The following OXTR variants were observed in gnomAD, a reference collection of about 807,000 sequenced individuals.
The protein encoded by OXTR is oxytocin receptor.
Under a neutral mutation model 23.9 loss-of-function variants are expected in OXTR, and 19 were observed. The observed-to-expected ratio is 0.80, with a 90% CI of 0.56 to 1.17. The LOEUF (loss-of-function observed/expected upper bound fraction) is 1.17, where lower values mean the gene tolerates loss of function less well. OXTR is among the 50% of genes most tolerant of loss of function. The pLI is 0.00. For missense variants in OXTR, 500 were observed against 550.7 expected, an observed-to-expected ratio of 0.91 and a Z score of 0.92; for synonymous variants, 278 against 250.5, an observed-to-expected ratio of 1.11 and a Z score of -1.04.
chr3:8,760,911 C>G (rs1708471008), intron 3 of OXTR, among the ~76,000 whole-genome samples: 1 of 150,264 alleles, frequency 6.7e-6, no homozygotes, highest in South Asian at 2.1e-4. Context: ...GTTTAAAAAG[C>G]AGAACAAGGG....
At chr3:8,746,458 C>T (rs917859758), downstream of OXTR, 3 of 152,860 alleles carry the variant, frequency 2.0e-5, no homozygotes, top group South Asian at 4.1e-4. Flanking sequence ...TTGCTGGAAC[C>T]GTACACGTTC....
intron 3 of OXTR, among the ~76,000 whole-genome samples, chr3:8,762,624 G>A (rs1001466923): frequency 6.6e-6 from 1 of 152,188 alleles, no homozygotes; most frequent in African/African-American, 2.4e-5. Flanking sequence ...AAGGGGCCTG[G>A]TCCCCCACAC....
In OXTR at chr3:8,752,851, C is replaced by T. The variant is rs201041814; in HGVS notation, c.*126G>A. 1 of 1,087,660 alleles carries T rather than the reference C, an allele frequency of 9.2e-7. No individual in the cohort carries two copies. The highest frequency in any genetic ancestry group is 1.3e-6 in the Non-Finnish European group (1 of 781,602). 67.4% of individuals were successfully genotyped at this position (1,087,660 alleles called of 1,614,324 possible). On this transcript the variant is annotated 3_prime_UTR_variant, in exon 4 of 4. Transcript: ENST00000316793. ...CACTCTCCACCCCACTGAAGCCACCCCAAGGAGGGGAGGGATACAAACTGA... is the reference window on the plus strand; with the variant it reads ...CACTCTCCACCCCACTGAAGCCACCTCAAGGAGGGGAGGGATACAAACTGA...
Position 8,752,981 on chromosome 3 carries a change from G to C in OXTR, c.1166C>G (p.Ala389Gly), listed in dbSNP as rs201162889. 2 of 1,610,302 alleles carry C rather than the reference G, an allele frequency of 1.2e-6. No individual in the cohort carries two copies. Among genetic ancestry groups the C allele is most frequent in the East Asian group, 4.5e-5 (2 of 44,810 alleles). ...SQRSCSQPST[A>G] is the part of the protein sequence containing the mutation. ...GCCCTGGCCCTGGCTGGTGGGTCAC[G>C]CCGTGGATGGCTGGGAGCAGCTCCT... Residue 389 changes from alanine (A) to glycine (G), a missense_variant, in exon 4 of 4, where the codon GCG (alanine) becomes GGG (glycine). Physicochemically the swap from Ala to Gly is moderately conservative, Grantham distance 60. Coordinates refer to ENST00000316793, the MANE Select transcript of OXTR (RefSeq NM_000916.4).
chr3:8,758,394 C>G (rs922349656), intron 3 of OXTR, among the ~76,000 whole-genome samples: 5 of 152,124 alleles, frequency 3.3e-5, no homozygotes, highest in African/African-American at 1.2e-4. Context: ...TCGGCTGAGT[C>G]AAAGCAAGCC....
At chr3:8,760,368 G>A (rs1467313294) in intron 3 of OXTR, among the ~76,000 whole-genome samples, 1 of 152,244 alleles carries the variant, frequency 6.6e-6, no homozygotes, top group Non-Finnish European at 1.5e-5. Context: ...ATTTATGCAT[G>A]TCAGCAGCTG....
chr3:8,748,747 T>C (rs1246669957), downstream of OXTR, among the ~76,000 whole-genome samples: 1 of 152,226 alleles, frequency 6.6e-6, no homozygotes, highest in Admixed American at 6.5e-5. Context: ...TAAGTGGCGT[T>C]TCATTGCTAT....
At chr3:8,743,363 A>G in the OXTR span, among the ~76,000 whole-genome samples, 21 of 152,120 alleles carry the variant, frequency 1.4e-4, no homozygotes, top group East Asian at 3.7e-3. Flanking sequence ...TGACTTTTCC[A>G]TCCCTGTTCC....
In OXTR at chr3:8,767,514, A is replaced by C. The variant is rs1203280085; in HGVS notation, c.674T>G (p.Phe225Cys). The C allele has an allele frequency of 1.2e-6, 2 of 1,612,388 alleles. No individual in the cohort carries two copies. Among genetic ancestry groups the C allele is most frequent in the African/African-American group, 2.7e-5 (2 of 74,862 alleles). The change falls in exon 3 of 4, where the codon TTC (phenylalanine) becomes TGC (cysteine). Residue 225 changes from phenylalanine to cysteine, a missense_variant. Coordinates refer to ENST00000316793, the MANE Select transcript of OXTR (RefSeq NM_000916.4). ...VLAACYGLIS[F>C]KIWQNLRLKT... ...GAGCCGCAAGTTCTGCCAGATCTTG[A>C]AGCTGATAAGGCCGTAGCAGGCAGC...
chr3:8,767,639 G>T lies in OXTR; in HGVS notation c.549C>A (p.Gly183=). 1.2e-6 allele frequency: 2 copies of T among 1,612,928 alleles called. No individual in the cohort carries two copies. The highest frequency in any genetic ancestry group is 8.5e-7 in the Non-Finnish European group (1 of 1,179,658). The change falls in exon 3 of 4, where the codon GGC becomes GGA. Residue 183 remains glycine, a synonymous_variant. Coordinates refer to ENST00000316793, the MANE Select transcript of OXTR (RefSeq NM_000916.4). ...TGAAGACGGCCCAGCAGTCGAAGACGCCGTCAGCCACCTCGCGCAGAGAGA... is the reference window on the plus strand; with the variant it reads ...TGAAGACGGCCCAGCAGTCGAAGACTCCGTCAGCCACCTCGCGCAGAGAGA... The part of the protein sequence containing the change: ...HIFSLREVAD[G]VFDCWAVFIQ...
chr3:8,758,771 T>G (rs935091816), intron 3 of OXTR, among the ~76,000 whole-genome samples: 1 of 152,140 alleles, frequency 6.6e-6, no homozygotes, highest in Admixed American at 6.6e-5. Context: ...ATCTGGTAGG[T>G]GTGCTGGACT....
In OXTR at chr3:8,757,115, C is replaced by T. The variant is rs572335767; in HGVS notation, c.923-3891G>A. 1.4e-3 allele frequency among the ~76,000 whole-genome samples: 213 copies of T among 152,244 alleles called. 1 individual carries two copies. The highest frequency in any genetic ancestry group is 2.6e-3 in the Non-Finnish European group (177 of 68,026). ...CCTGGATCCCCCTCCCACCTAATCA[C>T]TCTCTGAACTACATCTGAGTGAACT... On this transcript the variant is annotated intron_variant, in intron 3 of 3. Coordinates refer to ENST00000316793, the MANE Select transcript of OXTR (RefSeq NM_000916.4).
chr3:8,755,035 GA>G (rs1443943065), intron 3 of OXTR, among the ~76,000 whole-genome samples: 2 of 152,118 alleles, frequency 1.3e-5, no homozygotes, highest in Non-Finnish European at 2.9e-5. Context: ...ATTTTGTTAA[GA>G]AATTTGCTTT....
chr3:8,755,064 A>C (rs373926777), intron 3 of OXTR, among the ~76,000 whole-genome samples: 32 of 152,352 alleles, frequency 2.1e-4, no homozygotes, highest in African/African-American at 7.7e-4. Context: ...ATGGATAAGA[A>C]GATGAATTTA....
intron 3 of OXTR, 49 bp from the exon 4 acceptor site, chr3:8,753,273 T>C (rs200809868): frequency 6.3e-7 from 1 of 1,595,838 alleles, no homozygotes; most frequent in South Asian, 1.1e-5. Context: ...TAATTAACAC[T>C]GGAGCCACTT....
chr3:8,756,066 C>A (rs150763148), intron 3 of OXTR, among the ~76,000 whole-genome samples: 18 of 152,296 alleles, frequency 1.2e-4, no homozygotes, highest in African/African-American at 4.3e-4. Flanking sequence ...CTGATGGTTA[C>A]TGAGCAGGTG....
chr3:8,746,878 TA>T (rs1027604954), downstream of OXTR: 1 of 152,098 alleles, frequency 6.6e-6, no homozygotes, highest in Admixed American at 6.5e-5. Flanking sequence ...ACTTAGCCAT[TA>T]AAAAAGAAAG....
intron 3 of OXTR, among the ~76,000 whole-genome samples, chr3:8,758,065 AG>A (rs1708411768): frequency 6.6e-6 from 1 of 152,146 alleles, no homozygotes; most frequent in Admixed American, 6.5e-5. Context: ...GGACATGAGC[AG>A]AAACAGCCAC....
chr3:8,753,004 C>T lies in OXTR; in HGVS notation c.1143G>A (p.Arg381=). 1 of 1,613,650 alleles carries T rather than the reference C, an allele frequency of 6.2e-7. No homozygotes were observed. The highest frequency in any genetic ancestry group is 2.2e-5 in the East Asian group (1 of 44,872). The change falls in exon 4 of 4, where the codon AGG becomes AGA. Residue 381 remains arginine, a synonymous_variant. Coordinates refer to ENST00000316793, the MANE Select transcript of OXTR (RefSeq NM_000916.4). The stretch of plus-strand genomic sequence containing the variant: ...ACGCCGTGGATGGCTGGGAGCAGCT[C>T]CTCTGGCTGGAGCTGCGATGGCTCA... The part of the protein sequence containing the change: ...FVLSHRSSSQ[R]SCSQPSTA
Sources: gnomAD v4.1 joint callset for allele counts (sites outside exome capture counted in the v4.1 genomes callset) on GRCh38, gnomAD v4.1.1 for gene constraint, MANE v1.5 for transcripts, NCBI Gene and HGNC (gene_info 2026-07-23, HGNC 2026-07-21) for gene names.